SFMBT1: variants seen among roughly 807,000 people sequenced by gnomAD.
SFMBT1 encodes scm-like with four MBT domains protein 1.
SFMBT1 carries 32 observed loss-of-function variants against 108.7 expected under a neutral mutation model. That is an observed-to-expected ratio of 0.29 (90% confidence interval 0.22 to 0.40). The LOEUF is 0.40. Among genes scored for constraint, SFMBT1 ranks in the 10% least tolerant of loss-of-function variants. The probability of loss-of-function intolerance (pLI) is 1.00; values close to 1 mark genes in which losing one functional copy is unlikely to be tolerated. For synonymous variants in SFMBT1, 348 were observed against 369.5 expected (o/e 0.94, Z 0.67); for missense variants, 816 against 1,059.6 (o/e 0.77, Z 3.19).
chr3:52,945,938 A>G (rs1703352006), intron 3 of SFMBT1, among the ~76,000 whole-genome samples: 1 of 152,238 alleles, frequency 6.6e-6, no homozygotes, highest in African/African-American at 2.4e-5. Context: ...ATTCTTATTA[A>G]CTTCAAAGGG....
chr3:52,964,671 G>T (rs916848937), intron 2 of SFMBT1, among the ~76,000 whole-genome samples: 1 of 152,096 alleles, frequency 6.6e-6, no homozygotes, highest in African/African-American at 2.4e-5. Flanking sequence ...GCTCCTCAGA[G>T]AAACAGCGGA....
chr3:52,974,084 T>C (rs919409111), intron 1 of SFMBT1, among the ~76,000 whole-genome samples: 1 of 152,150 alleles, frequency 6.6e-6, no homozygotes, highest in African/African-American at 2.4e-5. Flanking sequence ...ATAAGTAACT[T>C]TTAAAGGGCT....
intron 1 of SFMBT1, among the ~76,000 whole-genome samples, chr3:52,977,916 T>C (rs1261843979): frequency 6.6e-6 from 1 of 152,196 alleles, no homozygotes; most frequent in Non-Finnish European, 1.5e-5. Flanking sequence ...TTTAAAATTT[T>C]AAGACAAAAA....
At chr3:52,948,917 G>GC (rs11430540) in intron 3 of SFMBT1, among the ~76,000 whole-genome samples, 144,592 of 148,056 alleles carry the variant, frequency 0.98, 70,709 homozygotes, top group Middle Eastern at 1. Context: ...TCCCACCTTG[G>GC]CTCCCAAAGT....
intron 2 of SFMBT1, among the ~76,000 whole-genome samples, chr3:52,957,141 T>C (rs938114049): frequency 2.0e-5 from 3 of 152,072 alleles, no homozygotes; most frequent in Non-Finnish European, 4.4e-5. Flanking sequence ...CGATACAAAA[T>C]CAATGTGCAA....
rs746233508 is a variant in SFMBT1, at chr3:52,931,035, G to T, written c.701C>A (p.Ala234Asp). Residue 234 changes from alanine to aspartate, a missense_variant and splice_region_variant, in exon 7 of 21, where the codon GCC becomes GAC. Coordinates refer to ENST00000394752, the MANE Select transcript of SFMBT1 (RefSeq NM_016329.4). ...AGCTTCATTTTTTAGATGTCTAATG[G>T]CTTTAATAAAACATGACAACATGCT... ...QQGYELQPPS[A>D]IRHLKNEAEW... 4.3e-6 allele frequency: 7 copies of T among 1,612,946 alleles called. No homozygotes were observed. The Admixed American group carries it at 5.0e-5, about 12-fold the overall frequency.
chr3:52,912,750 TA>T, intron 15 of SFMBT1, 103 bp from the exon 16 acceptor site: 1 of 827,712 alleles, frequency 1.2e-6, no homozygotes, highest in Non-Finnish European at 2.0e-6. Context: ...TTTAGGAGGT[TA>T]AATTCTAGTC....
At chr3:52,944,613 G>T (rs1703297061) in intron 3 of SFMBT1, among the ~76,000 whole-genome samples, 1 of 152,114 alleles carries the variant, frequency 6.6e-6, no homozygotes, top group Non-Finnish European at 1.5e-5. Flanking sequence ...TCTGCCTCCT[G>T]GGTACAAGCG....
intron 9 of SFMBT1, among the ~76,000 whole-genome samples, chr3:52,927,479 T>C (rs1371341057): frequency 2.0e-5 from 3 of 152,190 alleles, no homozygotes; most frequent in African/African-American, 7.2e-5. Context: ...GAAAACCTAC[T>C]AATAACATAT....
At chr3:52,950,420 TA>T (rs1238178060) in intron 3 of SFMBT1, among the ~76,000 whole-genome samples, 1 of 152,240 alleles carries the variant, frequency 6.6e-6, no homozygotes, top group African/African-American at 2.4e-5. Context: ...AAGCATGCCT[TA>T]GCATATATTT....
chr3:53,009,838 G>C (rs1266965753), intron 1 of SFMBT1, among the ~76,000 whole-genome samples: 1 of 152,036 alleles, frequency 6.6e-6, no homozygotes, highest in Non-Finnish European at 1.5e-5. Context: ...AAAATTATAA[G>C]GAAGAGAAAA....
At chr3:52,943,313 G>C in intron 4 of SFMBT1, 40 bp downstream of exon 4, 1 of 1,612,792 alleles carries the variant, frequency 6.2e-7, no homozygotes. Flanking sequence ...TTTTCTTACA[G>C]TAAAATCACG....
intron 1 of SFMBT1, among the ~76,000 whole-genome samples, chr3:52,972,521 C>T (rs534034357): frequency 6.6e-6 from 1 of 152,192 alleles, no homozygotes; most frequent in South Asian, 2.1e-4. Context: ...TCCTTTATTT[C>T]CTGTTCATAT....
At chr3:52,970,119 A>G (rs1055164286) in intron 1 of SFMBT1, among the ~76,000 whole-genome samples, 2 of 152,170 alleles carry the variant, frequency 1.3e-5, no homozygotes, top group East Asian at 3.8e-4. Context: ...AAAAAGAAGA[A>G]GAAAAGCTTT....
At chr3:53,012,721 CT>C (rs955064762) in intron 1 of SFMBT1, among the ~76,000 whole-genome samples, 3 of 151,604 alleles carry the variant, frequency 2.0e-5, no homozygotes, top group African/African-American at 7.3e-5. Flanking sequence ...TAATCCTTTG[CT>C]TATTTTAGTA....
intron 1 of SFMBT1, among the ~76,000 whole-genome samples, chr3:52,998,464 C>G (rs1036216126): frequency 1.3e-5 from 2 of 150,330 alleles, no homozygotes; most frequent in African/African-American, 4.8e-5. Flanking sequence ...AAAGTAAAGG[C>G]TGGGTGCAGC....
At chr3:52,953,534 G>A (rs1328058957) in intron 3 of SFMBT1, among the ~76,000 whole-genome samples, 3 of 152,044 alleles carry the variant, frequency 2.0e-5, no homozygotes, top group Non-Finnish European at 4.4e-5. Context: ...GGGCAAATAT[G>A]TTGTCATTGA....
intron 1 of SFMBT1, among the ~76,000 whole-genome samples, chr3:52,976,219 T>C (rs373523184): frequency 2.3e-4 from 35 of 152,244 alleles, no homozygotes; most frequent in East Asian, 1.2e-3. Flanking sequence ...CTGGGCAGCA[T>C]AGTGAGACTC....
rs141201355 is a variant in SFMBT1, at chr3:52,948,995, C to T, written c.123+5322G>A. Among the ~76,000 whole-genome samples the T allele has an allele frequency of 6.7e-4, 101 of 151,776 alleles. 1 individual carries two copies. The highest frequency in any genetic ancestry group is 2.3e-3 in the African/African-American group (97 of 41,404). ...AATTTTTTTTACATTTAATCCTAGA[C>T]ATTTTATGTTTCTGATGTTACTGCA... On this transcript the variant is annotated intron_variant, in intron 3 of 20. Coordinates refer to ENST00000394752, the MANE Select transcript of SFMBT1 (RefSeq NM_016329.4).
Sources: gnomAD v4.1 joint callset for allele counts (sites outside exome capture counted in the v4.1 genomes callset) on GRCh38, gnomAD v4.1.1 for gene constraint, MANE v1.5 for transcripts, NCBI Gene and HGNC (gene_info 2026-07-23, HGNC 2026-07-21) for gene names.